Variants in RAB4B observed in about 807,000 individuals in gnomAD.
RAB4B encodes the protein RAB4B, member RAS oncogene family.
In RAB4B, 15 loss-of-function variants were observed where a neutral mutation model predicts 28.3. The observed-to-expected ratio is 0.53, with a 90% CI of 0.35 to 0.82. RAB4B has a LOEUF of 0.82. RAB4B is among the 40% of genes least tolerant of loss of function. RAB4B has a pLI of 0.01. For missense variants in RAB4B, 244 were observed against 288.5 expected (o/e 0.85, Z 1.12); for synonymous variants, 108 against 116.3 (o/e 0.93, Z 0.46).
chr19:40,781,588 T>A (rs11665934), intron 3 of RAB4B, among the ~76,000 whole-genome samples: 2 of 151,528 alleles, frequency 1.3e-5, no homozygotes, highest in African/African-American at 4.9e-5. Flanking sequence ...TGGGCAACAT[T>A]GTGAAATCCC....
In RAB4B at chr19:40,780,431, G is replaced by A. The variant is rs762320533; in HGVS notation, c.144G>A (p.Arg48=). ...CAATCGGCGTGGAGTTTGGATCCCG[G>A]GTGGTCAACGTGGGTGGGAAGACTG... ...NHTIGVEFGS[R]VVNVGGKTVK... Residue 48 remains arginine, a synonymous_variant, in exon 3 of 8, where the codon CGG becomes CGA. Coordinates refer to ENST00000357052, the MANE Select transcript of RAB4B (RefSeq NM_016154.5). 4 of 1,613,644 alleles carry A rather than the reference G, an allele frequency of 2.5e-6. No homozygotes were observed. Among genetic ancestry groups the A allele is most frequent in the South Asian group, 2.2e-5 (2 of 91,018 alleles).
intron 3 of RAB4B, among the ~76,000 whole-genome samples, chr19:40,780,721 C>T (rs552395413): frequency 1.3e-5 from 2 of 152,102 alleles, no homozygotes; most frequent in Admixed American, 6.6e-5. Flanking sequence ...CGCAATGGCT[C>T]ATGCCGGTAA....
At chr19:40,779,236 G>A (rs560782430) in intron 1 of RAB4B, 1 of 161,178 alleles carries the variant, frequency 6.2e-6, no homozygotes, top group Non-Finnish European at 1.3e-5. Flanking sequence ...TGGAGCCCTT[G>A]GCCTAGGTTT....
At chr19:40,791,908 T>C (rs1269380952) in intron 7 of RAB4B, among the ~76,000 whole-genome samples, 1 of 152,190 alleles carries the variant, frequency 6.6e-6, no homozygotes, top group African/African-American at 2.4e-5. Flanking sequence ...GCTGGAATTA[T>C]AGGCATGAGC....
rs1568494184 is a variant in RAB4B, at chr19:40,788,480, T to TAA, written c.*15+1502_*15+1503insAA. Among the ~76,000 whole-genome samples, 2 of 76,138 alleles carry TAA rather than the reference T, an allele frequency of 2.6e-5. 1 individual carries two copies. The highest frequency in any genetic ancestry group is 5.4e-5 in the Non-Finnish European group (2 of 37,276). 49.9% of individuals were successfully genotyped at this position (76,138 alleles called of 152,430 possible). ...CAGCCTGGGTGACAGAGCGAGACTCTTAAAAAAAAAAAAAAAAAAAAAAGT... is the reference window on the plus strand; with the variant it reads ...CAGCCTGGGTGACAGAGCGAGACTCTAATAAAAAAAAAAAAAAAAAAAAAAGT... On this transcript the variant is annotated intron_variant, in intron 7 of 7. Transcript: ENST00000357052.
chr19:40,795,169 C>CAAAAAAAAAAA (rs1167818145), intron 7 of RAB4B, among the ~76,000 whole-genome samples: 1 of 60,350 alleles, frequency 1.7e-5, no homozygotes, highest in Non-Finnish European at 3.1e-5. Flanking sequence ...GCTCCATCTC[C>CAAAAAAAAAAA]AAAAAAAAAA....
At chr19:40,783,600 A>G (rs2083070959) in intron 3 of RAB4B, among the ~76,000 whole-genome samples, 178 bp from the exon 4 acceptor site, 1 of 151,716 alleles carries the variant, frequency 6.6e-6, no homozygotes, top group Non-Finnish European at 1.5e-5. Context: ...AGAGAGAGGG[A>G]CTTCAAGGAT....
intron 3 of RAB4B, among the ~76,000 whole-genome samples, chr19:40,781,308 A>AAATG (rs1190415382): frequency 3.5e-5 from 5 of 141,482 alleles, no homozygotes; most frequent in African/African-American, 8.0e-5. Context: ...ATAAATAAAT[A>AAATG]AATGAATAAA....
At chr19:40,788,024 C>T (rs1304641674) in intron 7 of RAB4B, among the ~76,000 whole-genome samples, 1 of 150,074 alleles carries the variant, frequency 6.7e-6, no homozygotes, top group African/African-American at 2.4e-5. Context: ...CCACCTGCAG[C>T]CCCAGGCCAG....
At chr19:40,793,972 ACTC>A in intron 7 of RAB4B, among the ~76,000 whole-genome samples, 1 of 150,064 alleles carries the variant, frequency 6.7e-6, no homozygotes, top group Non-Finnish European at 1.5e-5. Flanking sequence ...AAACAAAAAA[ACTC>A]CTGGCCTCAA....
chr19:40,790,881 A>G (rs184067859), intron 7 of RAB4B, among the ~76,000 whole-genome samples: 1 of 128,496 alleles, frequency 7.8e-6, no homozygotes, highest in South Asian at 2.4e-4. Flanking sequence ...TTGGAGATGG[A>G]GTCTCGCTTT....
intron 5 of RAB4B, 115 bp from the exon 6 acceptor site, chr19:40,786,550 G>A (rs1297824702): frequency 6.7e-7 from 1 of 1,493,134 alleles, no homozygotes; most frequent in Non-Finnish European, 9.1e-7. Flanking sequence ...GAGGCCTGAG[G>A]TGAGGGTAAG....
chr19:40,784,592 G>C (rs930758000), intron 5 of RAB4B, among the ~76,000 whole-genome samples: 28 of 152,172 alleles, frequency 1.8e-4, no homozygotes, highest in African/African-American at 6.5e-4. Flanking sequence ...TGGAAAGTGG[G>C]ATCACAGTGT....
chr19:40,783,147 CAAAAA>C (rs1168587843), intron 3 of RAB4B, among the ~76,000 whole-genome samples: 5 of 35,682 alleles, frequency 1.4e-4, no homozygotes, highest in Non-Finnish European at 1.8e-4. Flanking sequence ...GATTCCTACT[CAAAAA>C]AAAAAAAAAA....
At chr19:40,794,751 A>AT (rs2083192272) in intron 7 of RAB4B, 1 of 145,654 alleles carries the variant, frequency 6.9e-6, no homozygotes, top group Non-Finnish European at 1.5e-5. Flanking sequence ...TAATTAAAAG[A>AT]TAAATAGAGA....
chr19:40,790,612 A>G (rs541190714), intron 7 of RAB4B, among the ~76,000 whole-genome samples: 17 of 145,622 alleles, frequency 1.2e-4, no homozygotes, highest in Non-Finnish European at 2.4e-4. Context: ...TGACCTCGTG[A>G]TCCTCCTGCC....
At chr19:40,780,559 T>C (rs201584968) in intron 3 of RAB4B, 60 bp downstream of exon 3, 21 of 1,411,646 alleles carry the variant, frequency 1.5e-5, no homozygotes, top group Non-Finnish European at 2.0e-5. Flanking sequence ...AAGAGAGAGA[T>C]GTGTGTGTAG....
chr19:40,783,680 G>A (rs1017630685), intron 3 of RAB4B, 98 bp from the exon 4 acceptor site: 3 of 1,180,152 alleles, frequency 2.5e-6, no homozygotes, highest in African/African-American at 1.6e-5. Flanking sequence ...CAGCAGTGAA[G>A]GGGGGGGCCT....
chr19:40,790,833 T>C (rs2083151833), intron 7 of RAB4B, among the ~76,000 whole-genome samples: 1 of 148,434 alleles, frequency 6.7e-6, no homozygotes, highest in African/African-American at 2.5e-5. Context: ...AGGCATGTAC[T>C]GCCACAACCA....
Sources: allele counts gnomAD v4.1 joint callset (sites outside exome capture counted in the v4.1 genomes callset), GRCh38; gene constraint gnomAD v4.1.1; transcripts MANE v1.5; gene names NCBI Gene and HGNC (gene_info 2026-07-23, HGNC 2026-07-21).